The following GPR160 variants were observed in gnomAD, a reference collection of about 807,000 sequenced individuals.
GPR160 encodes the protein G protein-coupled receptor 160, also known as probable G protein-coupled receptor 160.
Under a neutral mutation model 2.6 loss-of-function variants are expected in GPR160, and 2 were observed. That is an observed-to-expected ratio of 0.77 (90% CI 0.32 to 2.44). GPR160 has a LOEUF of 2.44. Among genes scored for constraint, GPR160 ranks in the 30% most tolerant of loss-of-function variants. The probability of loss-of-function intolerance (pLI) is 0.11; values close to 1 mark genes in which losing one functional copy is unlikely to be tolerated. For synonymous variants in GPR160, 130 were observed against 132.2 expected, an observed-to-expected ratio of 0.98 and a Z score of 0.12; for missense variants, 351 against 383.6, an observed-to-expected ratio of 0.91 and a Z score of 0.71.
In GPR160 at chr3:170,054,973, T is replaced by C. The variant is rs1385522297; in HGVS notation, c.-193+15930T>C. Among the ~76,000 whole-genome samples, 3 of 152,130 alleles carry C rather than the reference T, an allele frequency of 2.0e-5. No individual in the cohort carries two copies. The East Asian group carries it at 5.8e-4, about 29-fold the overall frequency. ...CATGCCCAGCTACTTTTTGTATTTT[T>C]AGTAGAGACAGGGTTTCACCATGTT... On this transcript the variant is annotated intron_variant, in intron 2 of 3. Transcript: ENST00000355897.
chr3:170,072,530 T>G (rs1037255398), intron 2 of GPR160, among the ~76,000 whole-genome samples: 5 of 152,164 alleles, frequency 3.3e-5, no homozygotes, highest in Admixed American at 6.5e-5. Flanking sequence ...TGGCTCATGG[T>G]TCTACAGACT....
At chr3:170,043,472 A>C (rs1341124274) in intron 2 of GPR160, among the ~76,000 whole-genome samples, 1 of 152,196 alleles carries the variant, frequency 6.6e-6, no homozygotes, top group Non-Finnish European at 1.5e-5. Flanking sequence ...GTGATCCACC[A>C]TGCCTGGCCC....
chr3:170,054,538 G>A (rs953321111), intron 2 of GPR160, among the ~76,000 whole-genome samples: 1 of 152,086 alleles, frequency 6.6e-6, no homozygotes, highest in Non-Finnish European at 1.5e-5. Context: ...TCACATTGTT[G>A]AGCAACTGAT....
intron 3 of GPR160, among the ~76,000 whole-genome samples, chr3:170,080,480 G>A (rs1713070042): frequency 6.6e-6 from 1 of 152,058 alleles, no homozygotes; most frequent in Admixed American, 6.5e-5. Flanking sequence ...TGTCGGACTT[G>A]TCTTCTTTAT....
intron 2 of GPR160, among the ~76,000 whole-genome samples, chr3:170,051,811 G>GA (rs1015502702): frequency 2.0e-5 from 3 of 151,408 alleles, no homozygotes; most frequent in Non-Finnish European, 2.9e-5. Context: ...GCCTTTTAAA[G>GA]AAAAAAAAAG....
intron 2 of GPR160, among the ~76,000 whole-genome samples, chr3:170,043,706 C>T (rs956499785): frequency 6.6e-6 from 1 of 152,138 alleles, no homozygotes; most frequent in Admixed American, 6.6e-5. Flanking sequence ...TCTAGGCAAA[C>T]TATCTTCTTA....
chr3:170,050,027 T>C (rs1716884335), intron 2 of GPR160: 1 of 152,072 alleles, frequency 6.6e-6, no homozygotes, highest in Admixed American at 6.6e-5. Context: ...TGATATTAAG[T>C]AAACTTTATT....
chr3:170,074,406 A>T (rs144597741), intron 2 of GPR160, among the ~76,000 whole-genome samples: 1 of 151,896 alleles, frequency 6.6e-6, no homozygotes, highest in African/African-American at 2.4e-5. Context: ...TTTTCCCCTA[A>T]AGAAGCAGTT....
At chr3:170,042,419 TC>T (rs1716489574) in intron 2 of GPR160, among the ~76,000 whole-genome samples, 2 of 58,178 alleles carry the variant, frequency 3.4e-5, no homozygotes, top group Admixed American at 2.3e-4. Flanking sequence ...AGATACTGCC[TC>T]AAAAAAAAAA....
intron 2 of GPR160, among the ~76,000 whole-genome samples, chr3:170,041,168 A>C (rs1053846942): frequency 2.6e-5 from 4 of 152,208 alleles, no homozygotes; most frequent in Non-Finnish European, 5.9e-5. Flanking sequence ...ACTGAATGTA[A>C]TGCCTTTTGA....
At chr3:170,040,077 A>C (rs1559979193) in intron 2 of GPR160, among the ~76,000 whole-genome samples, 1 of 152,188 alleles carries the variant, frequency 6.6e-6, no homozygotes, top group African/African-American at 2.4e-5. Context: ...TAATGCATGC[A>C]GGGCTTAAAA....
At chr3:170,058,757 A>G (rs1280431132) in intron 2 of GPR160, among the ~76,000 whole-genome samples, 1 of 152,222 alleles carries the variant, frequency 6.6e-6, no homozygotes, top group Non-Finnish European at 1.5e-5. Context: ...AAGGTTGTTC[A>G]TCGCTACATT....
Position 170,078,284 on chromosome 3 carries a change from A to T in GPR160, c.-192-1490A>T, listed in dbSNP as rs771761490. On this transcript the variant is annotated intron_variant, in intron 2 of 3. Transcript: ENST00000355897. The stretch of plus-strand genomic sequence containing the variant: ...TAGTTAGGGCTGCTTGGGAGGAAGA[A>T]CCATCATCTACCTTACTGCCTCCGC... 1.2e-4 allele frequency among the ~76,000 whole-genome samples: 19 copies of T among 152,228 alleles called. No individual in the cohort carries two copies. In the East Asian group the frequency reaches 1.4e-3, roughly 11 times the overall value.
At chr3:170,054,065 C>T (rs187133277) in intron 2 of GPR160, among the ~76,000 whole-genome samples, 54 of 151,214 alleles carry the variant, frequency 3.6e-4, no homozygotes, top group African/African-American at 1.2e-3. Flanking sequence ...AGACAATTTC[C>T]ATAAAATATT....
At chr3:170,046,646 G>A (rs374953216) in intron 2 of GPR160, among the ~76,000 whole-genome samples, 11 of 152,072 alleles carry the variant, frequency 7.2e-5, no homozygotes, top group Non-Finnish European at 1.6e-4. Flanking sequence ...ACATTGAGAG[G>A]CTTACTTTTT....
At chr3:170,069,804 T>C (rs1270128852) in intron 2 of GPR160, among the ~76,000 whole-genome samples, 2 of 152,162 alleles carry the variant, frequency 1.3e-5, no homozygotes, top group Admixed American at 1.3e-4. Context: ...ACCACACATA[T>C]TAATTTGTTA....
intron 2 of GPR160, among the ~76,000 whole-genome samples, chr3:170,070,512 A>G (rs1188712643): frequency 6.6e-6 from 1 of 152,194 alleles, no homozygotes; most frequent in Non-Finnish European, 1.5e-5. Context: ...TCCAAATTTT[A>G]TCATTCCTTA....
At chr3:170,053,293 A>G (rs1717037781) in intron 2 of GPR160, among the ~76,000 whole-genome samples, 1 of 152,174 alleles carries the variant, frequency 6.6e-6, no homozygotes, top group African/African-American at 2.4e-5. Flanking sequence ...TAAGGTCTTT[A>G]GGTTTTTTTG....
chr3:170,078,617 C>G (rs751838179), intron 2 of GPR160, among the ~76,000 whole-genome samples: 3 of 151,990 alleles, frequency 2.0e-5, no homozygotes, highest in Non-Finnish European at 4.4e-5. Flanking sequence ...CAGACAACTT[C>G]CATATGACCC....
Sources: allele counts gnomAD v4.1 joint callset (sites outside exome capture counted in the v4.1 genomes callset), GRCh38; gene constraint gnomAD v4.1.1; transcripts MANE v1.5; gene names NCBI Gene and HGNC (gene_info 2026-07-23, HGNC 2026-07-21).